The following STAU1 variants were observed in gnomAD, a reference collection of about 807,000 sequenced individuals.
The protein encoded by STAU1 is staufen double-stranded RNA binding protein 1.
In STAU1, 13 loss-of-function variants were observed where a neutral mutation model predicts 62.9. The observed-to-expected ratio is 0.21, with a 90% CI of 0.13 to 0.33. The LOEUF is 0.33. Ranked by LOEUF, STAU1 falls within the 10% of genes least tolerant of loss-of-function variation. The pLI is 1.00. For missense variants in STAU1, 571 were observed against 712.1 expected (o/e 0.80, Z 2.25); for synonymous variants, 269 against 265.1 (o/e 1.01, Z -0.14).
At chr20:49,206,506 G>A in the STAU1 span, among the ~76,000 whole-genome samples, 1 of 131,454 alleles carries the variant, frequency 7.6e-6, no homozygotes, top group South Asian at 2.5e-4. Flanking sequence ...ACCGTGCCCG[G>A]CCATCTTCCG....
the STAU1 span, among the ~76,000 whole-genome samples, chr20:49,204,646 A>ATT: frequency 2.5e-4 from 8 of 32,166 alleles, 1 homozygote; most frequent in African/African-American, 3.8e-4. Flanking sequence ...ATATATATAT[A>ATT]TTTTTTTTTT....
chr20:49,121,283 C>G (rs916077612), intron 8 of STAU1, among the ~76,000 whole-genome samples: 1 of 151,986 alleles, frequency 6.6e-6, no homozygotes, highest in Non-Finnish European at 1.5e-5. Context: ...GGTGGGCACC[C>G]GTGAATCCCA....
At chr20:49,121,612 ATAT>A (rs1245461510) in intron 8 of STAU1, among the ~76,000 whole-genome samples, 1 of 151,690 alleles carries the variant, frequency 6.6e-6, no homozygotes, top group Non-Finnish European at 1.5e-5. Flanking sequence ...AATAAAGTGT[ATAT>A]TATTTATAAA....
rs76856062 is a variant in STAU1, at chr20:49,143,318, G to A, written c.511-7387C>T. 8.7e-3 allele frequency among the ~76,000 whole-genome samples: 1,321 copies of A among 152,280 alleles called. 12 individuals are homozygous for A. Among genetic ancestry groups the A allele is most frequent in the African/African-American group, 0.03 (1,246 of 41,554 alleles). On this transcript the variant is annotated intron_variant, in intron 5 of 13. Coordinates refer to ENST00000371856, the MANE Select transcript of STAU1 (RefSeq NM_017453.4). ...GGCAACATTAAGAAAGAGGCCAGGTGTGATAGCTCATCCCTATAATCTCTG... is the reference window on the plus strand; with the variant it reads ...GGCAACATTAAGAAAGAGGCCAGGTATGATAGCTCATCCCTATAATCTCTG...
chr20:49,186,682 T>C (rs1050303855), intron 1 of STAU1, among the ~76,000 whole-genome samples: 3 of 152,058 alleles, frequency 2.0e-5, no homozygotes, highest in African/African-American at 7.2e-5. Flanking sequence ...ATCCCACCTG[T>C]CACCAGGATA....
chr20:49,128,499 A>G (rs2092681064), intron 6 of STAU1, among the ~76,000 whole-genome samples: 1 of 152,172 alleles, frequency 6.6e-6, no homozygotes, highest in Admixed American at 6.6e-5. Context: ...GGCCAAGACC[A>G]TTTCTATTAG....
intron 7 of STAU1, among the ~76,000 whole-genome samples, 200 bp downstream of exon 7, chr20:49,124,175 G>A (rs1010327188): frequency 3.3e-5 from 5 of 152,192 alleles, no homozygotes; most frequent in African/African-American, 9.6e-5. Flanking sequence ...GCCCGTCTGC[G>A]GGTACCTCTA....
intron 5 of STAU1, among the ~76,000 whole-genome samples, chr20:49,141,089 G>C (rs886941389): frequency 6.6e-6 from 1 of 151,792 alleles, no homozygotes; most frequent in African/African-American, 2.4e-5. Context: ...TCAGACTGTC[G>C]TAAGACTTTG....
At chr20:49,171,197 AC>A (rs2093592339) in intron 2 of STAU1, among the ~76,000 whole-genome samples, 1 of 152,262 alleles carries the variant, frequency 6.6e-6, no homozygotes, top group Non-Finnish European at 1.5e-5. Flanking sequence ...CAATTAAAAA[AC>A]ATCAAGGAAT....
chr20:49,205,517 C>T, the STAU1 span, among the ~76,000 whole-genome samples: 3 of 151,888 alleles, frequency 2.0e-5, no homozygotes, highest in African/African-American at 7.3e-5. Context: ...AGGCACGCAC[C>T]TCCATGCCCA....
Position 49,117,176 on chromosome 20 carries a change from G to A in STAU1, c.1582C>T (p.Pro528Ser). 1 of 1,614,192 alleles carries A rather than the reference G, an allele frequency of 6.2e-7. No individual in the cohort carries two copies. The highest frequency in any genetic ancestry group is 8.5e-7 in the Non-Finnish European group (1 of 1,180,040). ...VSLINCSSQP[P>S]LISHGIGKDV... is the part of the protein sequence containing the mutation. ...TTGCCGATACCATGGCTGATCAGAG[G>A]TGGCTGAGAGGAGCAATTGATAAGA... The change falls in exon 12 of 14, where the codon CCT becomes TCT. Residue 528 changes from proline to serine, a missense_variant. Physicochemically the swap from Pro to Ser is moderately conservative, Grantham distance 74. Around this residue, in one of 3 missense-constraint regions of STAU1, gnomAD observed 156 missense variants for 194.7 expected, o/e 0.80. Coordinates refer to ENST00000371856, the MANE Select transcript of STAU1 (RefSeq NM_017453.4). The surrounding 1 kb of genome is among the most constrained non-coding windows in gnomAD (Gnocchi z 4.6).
chr20:49,152,824 G>C (rs1472826230), intron 4 of STAU1, among the ~76,000 whole-genome samples: 1 of 152,126 alleles, frequency 6.6e-6, no homozygotes, highest in Non-Finnish European at 1.5e-5. Flanking sequence ...ATGATGCTAT[G>C]GGAATCATGT....
At chr20:49,173,667 C>A (rs1337706454) in intron 2 of STAU1, among the ~76,000 whole-genome samples, 1 of 152,204 alleles carries the variant, frequency 6.6e-6, no homozygotes, top group Non-Finnish European at 1.5e-5. Flanking sequence ...GCAGTATTAA[C>A]CCACATAGTG....
intron 1 of STAU1, among the ~76,000 whole-genome samples, chr20:49,187,077 A>G (rs1476121978): frequency 1.3e-5 from 2 of 152,122 alleles, no homozygotes; most frequent in Non-Finnish European, 2.9e-5. Flanking sequence ...GACAAGACAG[A>G]CAAATTTTTC....
At position 49,181,570 on chromosome 20, in the gene STAU1, G is replaced by T. The variant is rs189194520; in HGVS notation, c.-160+6546C>A. 1.9e-3 allele frequency among the ~76,000 whole-genome samples: 285 copies of T among 151,986 alleles called. 3 individuals are homozygous for T. Among genetic ancestry groups the T allele is most frequent in the Middle Eastern group, 3.4e-3 (1 of 292 alleles). Reference sequence around the variant, plus strand: ...GCCTGAGCTCAGGAGTTCGAGACCAGCCTAGGCAACATGGCAAAACCCCAT... The same window carrying T: ...GCCTGAGCTCAGGAGTTCGAGACCATCCTAGGCAACATGGCAAAACCCCAT... On this transcript the variant is annotated intron_variant, in intron 1 of 13. Coordinates refer to ENST00000371856, the MANE Select transcript of STAU1 (RefSeq NM_017453.4).
chr20:49,210,619 C>T, the STAU1 span: 1 of 414,596 alleles, frequency 2.4e-6, no homozygotes, highest in African/African-American at 2.1e-5. Context: ...GGACTTGGCA[C>T]TTACACTTTG....
upstream of STAU1, among the ~76,000 whole-genome samples, chr20:49,192,026 A>T (rs370533806): frequency 2.0e-5 from 3 of 150,898 alleles, no homozygotes; most frequent in East Asian, 5.8e-4. Flanking sequence ...ATTCCAGCCT[A>T]GGCAAGAGAG....
chr20:49,150,667 A>AT (rs909248241), intron 5 of STAU1, among the ~76,000 whole-genome samples: 59 of 149,822 alleles, frequency 3.9e-4, no homozygotes, highest in African/African-American at 1.1e-3. Flanking sequence ...AGCCACCTCA[A>AT]TTTTTTTTTT....
At chr20:49,131,560 AG>A (rs1381512587) in intron 6 of STAU1, among the ~76,000 whole-genome samples, 1 of 152,100 alleles carries the variant, frequency 6.6e-6, no homozygotes, top group Non-Finnish European at 1.5e-5. Flanking sequence ...AAGAAAAAGC[AG>A]GCTGGGTGCA....
Sources: gnomAD v4.1 joint callset for allele counts (sites outside exome capture counted in the v4.1 genomes callset) on GRCh38, gnomAD v4.1.1 for gene constraint, gnomAD v4.1.1 regional missense constraint, Gnocchi (gnomAD v3.1) non-coding constraint, MANE v1.5 for transcripts, NCBI Gene and HGNC (gene_info 2026-07-23, HGNC 2026-07-21) for gene names.